NAV3: variants seen among roughly 807,000 people sequenced by gnomAD.
NAV3 encodes the protein pore membrane and/or filament interacting like protein 1.
Under a neutral mutation model 244.7 loss-of-function variants are expected in NAV3, and 87 were observed. The ratio of observed to expected loss-of-function variants is 0.36; its 90% CI spans 0.30 to 0.42. The LOEUF is 0.42. Among genes scored for constraint, NAV3 ranks in the 20% least tolerant of loss-of-function variants. The pLI, the probability that NAV3 is intolerant of heterozygous loss-of-function variation, is 1.00. For missense variants in NAV3, 2,663 were observed against 2,893.3 expected (o/e 0.92, Z 1.83); for synonymous variants, 1,126 against 1,042.2 (o/e 1.08, Z -1.55).
intron 2 of NAV3, among the ~76,000 whole-genome samples, chr12:77,743,471 A>T (rs539627458): frequency 2.6e-5 from 4 of 152,024 alleles, no homozygotes; most frequent in African/African-American, 9.6e-5. Flanking sequence ...AGATATAAAA[A>T]CATATGTCCA....
intron 2 of NAV3, among the ~76,000 whole-genome samples, chr12:77,598,314 C>T (rs764238585): frequency 3.0e-4 from 45 of 151,898 alleles, no homozygotes; most frequent in Non-Finnish European, 1.8e-4. Flanking sequence ...ATCTATTGAC[C>T]ATTTCATTAT....
intron 9 of NAV3, among the ~76,000 whole-genome samples, chr12:78,034,619 G>A (rs767732861): frequency 3.3e-5 from 5 of 152,126 alleles, no homozygotes; most frequent in Non-Finnish European, 7.4e-5. Flanking sequence ...CATTAGAATT[G>A]CATTTTTTGT....
chr12:77,609,260 A>C (rs1336725705), intron 2 of NAV3, among the ~76,000 whole-genome samples: 1 of 152,064 alleles, frequency 6.6e-6, no homozygotes, highest in Non-Finnish European at 1.5e-5. Flanking sequence ...AATCTGATAC[A>C]TCAGACTTGC....
chr12:78,049,921 T>A, intron 9 of NAV3, 72 bp from the exon 10 acceptor site: 6 of 943,214 alleles, frequency 6.4e-6, no homozygotes, highest in Non-Finnish European at 9.8e-6. Context: ...GGTGACTTAA[T>A]TATCTAGGTA....
chr12:78,090,044 T>C (rs1260850046), intron 12 of NAV3, among the ~76,000 whole-genome samples: 1 of 152,032 alleles, frequency 6.6e-6, no homozygotes, highest in Non-Finnish European at 1.5e-5. Flanking sequence ...ATTGCCTTGT[T>C]GCAAAATTAG....
rs779218001 is a variant in NAV3, at chr12:77,938,412, A to G, written c.244-1907A>G. 2.0e-5 allele frequency among the ~76,000 whole-genome samples: 3 copies of G among 152,272 alleles called. No individual in the cohort carries two copies. The Middle Eastern group carries it at 0.01, about 521-fold the overall frequency. On this transcript the variant is annotated intron_variant, in intron 1 of 39. Transcript: ENST00000397909. ...TTTCTTACCCTTCAATATCTTCAAC[A>G]TAGAGATCATGGATATTAATAAAAG...
chr12:77,986,133 G>A (rs770932247), intron 5 of NAV3, among the ~76,000 whole-genome samples: 5 of 152,118 alleles, frequency 3.3e-5, no homozygotes, highest in Non-Finnish European at 7.4e-5. Context: ...AGGCCAAGGC[G>A]GGTGGATCAC....
intron 1 of NAV3, among the ~76,000 whole-genome samples, chr12:77,901,305 A>G (rs1439526819): frequency 6.6e-6 from 1 of 152,210 alleles, no homozygotes. Flanking sequence ...CCCAAGGCCA[A>G]TATCAAAAAC....
At chr12:77,827,238 A>G (rs1427313134), upstream of NAV3, among the ~76,000 whole-genome samples, 3 of 23,798 alleles carry the variant, frequency 1.3e-4, no homozygotes, top group South Asian at 1.0e-3. Context: ...TCTGTCTCCA[A>G]AAAAAAAAAA....
At chr12:78,071,684 C>A (rs1952777725) in intron 12 of NAV3, among the ~76,000 whole-genome samples, 1 of 152,212 alleles carries the variant, frequency 6.6e-6, no homozygotes, top group South Asian at 2.1e-4. Context: ...TTTCAGCTTT[C>A]TACATATGGC....
chr12:77,578,257 C>G (rs1869186622), intron 2 of NAV3, among the ~76,000 whole-genome samples: 1 of 152,154 alleles, frequency 6.6e-6, no homozygotes, highest in Non-Finnish European at 1.5e-5. Context: ...TACACTAAAC[C>G]TATTGAATGG....
chr12:78,121,813 G>C, intron 15 of NAV3, 127 bp from the exon 16 acceptor site: 1 of 1,191,070 alleles, frequency 8.4e-7, no homozygotes, highest in Non-Finnish European at 1.2e-6. Flanking sequence ...CATTAACATA[G>C]AGACAGGAAG....
intron 12 of NAV3, among the ~76,000 whole-genome samples, chr12:78,084,318 A>G (rs1953512646): frequency 6.6e-6 from 1 of 151,956 alleles, no homozygotes; most frequent in African/African-American, 2.4e-5. Context: ...TATCAGCCTT[A>G]CCTCCTGTTA....
chr12:77,998,367 A>G lies in NAV3; in HGVS notation c.771A>G (p.Ala257=). 6.2e-7 allele frequency: 1 copy of G among 1,601,068 alleles called. No homozygotes were observed. Among genetic ancestry groups the G allele is most frequent in the Non-Finnish European group, 8.5e-7 (1 of 1,173,816 alleles). The part of the protein sequence containing the change: ...RLPGPSRVPA[A]GSSSKVQGAS... ...CAGGGCCCTCTAGGGTGCCTGCTGC[A>G]GGAAGCAGCAGCAAGGTCCAGGGAG... The change falls in exon 7 of 40, where the codon GCA becomes GCG. Residue 257 remains alanine (A), a synonymous_variant. Transcript: ENST00000397909.
At chr12:78,012,104 G>A (rs1351723472) in intron 8 of NAV3, among the ~76,000 whole-genome samples, 2 of 152,030 alleles carry the variant, frequency 1.3e-5, no homozygotes, top group South Asian at 2.1e-4. Flanking sequence ...AACCATATAA[G>A]ATACTAAAGA....
At chr12:77,663,877 T>C (rs1240557399) in intron 2 of NAV3, among the ~76,000 whole-genome samples, 3 of 152,246 alleles carry the variant, frequency 2.0e-5, no homozygotes, top group African/African-American at 7.2e-5. Context: ...TGTATATCTA[T>C]GTATATAGTT....
At chr12:78,003,261 A>T (rs189500327) in intron 7 of NAV3, among the ~76,000 whole-genome samples, 54 of 152,076 alleles carry the variant, frequency 3.6e-4, no homozygotes, top group Non-Finnish European at 6.5e-4. Context: ...TAATTTTTTT[A>T]AAGCATTTGG....
chr12:77,888,503 T>C (rs1414175098), intron 1 of NAV3, among the ~76,000 whole-genome samples: 1 of 150,956 alleles, frequency 6.6e-6, no homozygotes, highest in Non-Finnish European at 1.5e-5. Context: ...AATAATTAAA[T>C]AATTTCTGCA....
rs753657614 is a variant in NAV3 at position 78,050,092 on chromosome 12, T to A, written c.2123T>A (p.Ile708Lys). 7 of 1,604,964 alleles carry A rather than the reference T, an allele frequency of 4.4e-6. No homozygotes were observed. Among genetic ancestry groups the A allele is most frequent in the South Asian group, 2.3e-5 (2 of 88,166 alleles). Residue 708 changes from isoleucine (I) to lysine (K), a missense_variant, in exon 10 of 40, where the codon ATA becomes AAA. Physicochemically the swap from Ile to Lys is moderately radical, Grantham distance 102. This residue lies in a region of NAV3 where 1,521 missense variants were observed against 1,497.0 expected (regional missense o/e 1.02). Transcript: ENST00000397909. ...ETMSSLRGTQISHSTLETTFD... is the reference protein window; with the variant it reads ...ETMSSLRGTQKSHSTLETTFD... ...ATGTCCAGTCTTCGTGGGACTCAGA[T>A]AAGCCACAGGTTTTTTTCAATTTTG...
Sources: allele counts gnomAD v4.1 joint callset (sites outside exome capture counted in the v4.1 genomes callset), GRCh38; gene constraint gnomAD v4.1.1; regional missense constraint gnomAD v4.1.1; transcripts MANE v1.5; gene names NCBI Gene and HGNC (gene_info 2026-07-23, HGNC 2026-07-21).